The following KLF17 variants were observed in gnomAD, a reference collection of about 807,000 sequenced individuals.
KLF17 encodes KLF transcription factor 17, also known as Krueppel-like factor 17.
In KLF17, 31 loss-of-function variants were observed where a neutral mutation model predicts 34.2. The observed-to-expected ratio is 0.91, with a 90% CI of 0.68 to 1.22. The LOEUF (loss-of-function observed/expected upper bound fraction) is 1.22. Among genes scored for constraint, KLF17 ranks in the 50% most tolerant of loss-of-function variants. KLF17 has a pLI of 0.00. For synonymous variants in KLF17, 179 were observed against 186.7 expected, an observed-to-expected ratio of 0.96 and a Z score of 0.34; for missense variants, 478 against 505.2, an observed-to-expected ratio of 0.95 and a Z score of 0.52.
chr1:44,078,975 G>A, the KLF17 span, among the ~76,000 whole-genome samples: 5 of 152,060 alleles, frequency 3.3e-5, no homozygotes, highest in Admixed American at 6.6e-5. Flanking sequence ...ATGAGACACC[G>A]TGCCTGGCCC....
the KLF17 span, among the ~76,000 whole-genome samples, chr1:44,073,796 T>C: frequency 3.9e-5 from 6 of 152,172 alleles, no homozygotes; most frequent in African/African-American, 1.4e-4. Context: ...GTAGAAGTCT[T>C]TTCTGACCAC....
At chr1:44,060,812 A>G in the KLF17 span, among the ~76,000 whole-genome samples, 5 of 152,264 alleles carry the variant, frequency 3.3e-5, no homozygotes, top group East Asian at 1.9e-4. Context: ...GTAGTTCTCA[A>G]TAACAGACTA....
the KLF17 span, among the ~76,000 whole-genome samples, chr1:44,095,459 C>G: frequency 0.32 from 49,135 of 151,550 alleles, 8,055 homozygotes; most frequent in South Asian, 0.38. Flanking sequence ...AGGTGATCCA[C>G]CTGCCTTGGC....
At chr1:44,066,336 ACCCTCCCCCC>A in the KLF17 span, among the ~76,000 whole-genome samples, 2 of 135,014 alleles carry the variant, frequency 1.5e-5, no homozygotes, top group South Asian at 2.3e-4. Flanking sequence ...ACAAACAAAA[ACCCTCCCCCC>A]AAAAAAAACA....
At chr1:44,099,151 C>G in the KLF17 span, among the ~76,000 whole-genome samples, 1 of 152,050 alleles carries the variant, frequency 6.6e-6, no homozygotes, top group Admixed American at 6.6e-5. Context: ...TACCTGTAAT[C>G]CCAGCACTTT....
Position 44,129,901 on chromosome 1 carries a change from G to C in KLF17, c.630G>C (p.Gln210His). Residue 210 changes from glutamine to histidine, a missense_variant, in exon 2 of 4, where the codon CAG becomes CAC. Coordinates refer to ENST00000372299, the MANE Select transcript of KLF17 (RefSeq NM_173484.4). ...EAQAVLPSMA[Q>H]MLPPQDAHDL... ...AGGCAGTGCTCCCCTCCATGGCTCAGATGTTGCCCCCGCAAGATGCCCATG... is the reference window on the plus strand; with the variant it reads ...AGGCAGTGCTCCCCTCCATGGCTCACATGTTGCCCCCGCAAGATGCCCATG... 1 of 1,614,194 alleles carries C rather than the reference G, an allele frequency of 6.2e-7. No individual in the cohort carries two copies. The highest frequency in any genetic ancestry group is 8.5e-7 in the Non-Finnish European group (1 of 1,180,044).
At chr1:44,063,192 A>C in the KLF17 span, among the ~76,000 whole-genome samples, 16 of 152,358 alleles carry the variant, frequency 1.1e-4, no homozygotes, top group East Asian at 3.1e-3. Flanking sequence ...AACTGGTGCA[A>C]CTAACCTATA....
the KLF17 span, among the ~76,000 whole-genome samples, chr1:44,113,273 T>G: frequency 6.6e-6 from 1 of 152,142 alleles, no homozygotes; most frequent in African/African-American, 2.4e-5. Flanking sequence ...CAAACCATTG[T>G]TAACCACAGA....
the KLF17 span, among the ~76,000 whole-genome samples, chr1:44,090,306 C>CAAAAAAAAAAAAAAA: frequency 7.3e-4 from 17 of 23,418 alleles, 4 homozygotes; most frequent in South Asian, 3.1e-3. Flanking sequence ...CTTGTCTCTA[C>CAAAAAAAAAAAAAAA]AAAAAAAAAA....
At chr1:44,087,256 G>T in the KLF17 span, among the ~76,000 whole-genome samples, 8 of 151,774 alleles carry the variant, frequency 5.3e-5, no homozygotes, top group African/African-American at 1.9e-4. Context: ...CATCTTTTTT[G>T]TTTGTTTGTT....
At chr1:44,119,048 G>A in intron 1 of KLF17, 60 bp downstream of exon 1, 1 of 1,360,858 alleles carries the variant, frequency 7.3e-7, no homozygotes, top group Non-Finnish European at 1.0e-6. Context: ...GCGGCGGGGA[G>A]GGGAGGCCTT....
At chr1:44,065,060 G>A in the KLF17 span, among the ~76,000 whole-genome samples, 6 of 151,992 alleles carry the variant, frequency 3.9e-5, no homozygotes, top group African/African-American at 1.4e-4. Context: ...AGGCTGAGGC[G>A]GGCGGATCAC....
At chr1:44,119,201 G>A (rs2087917439) in intron 1 of KLF17, among the ~76,000 whole-genome samples, 1 of 151,706 alleles carries the variant, frequency 6.6e-6, no homozygotes, top group East Asian at 1.9e-4. Flanking sequence ...AGGGAGGGAT[G>A]GGAGACTGGG....
chr1:44,055,071 G>A, the KLF17 span, among the ~76,000 whole-genome samples: 2 of 152,162 alleles, frequency 1.3e-5, no homozygotes, highest in African/African-American at 4.8e-5. Flanking sequence ...AAGCCACCAT[G>A]CCTGGCCCAG....
At chr1:44,078,130 A>G in the KLF17 span, among the ~76,000 whole-genome samples, 1 of 152,222 alleles carries the variant, frequency 6.6e-6, no homozygotes, top group African/African-American at 2.4e-5. Context: ...CAGTTCCTTT[A>G]TGGTTGGTGC....
At chr1:44,099,006 G>T in the KLF17 span, among the ~76,000 whole-genome samples, 1 of 151,726 alleles carries the variant, frequency 6.6e-6, no homozygotes, top group African/African-American at 2.4e-5. Context: ...GGGATTACAG[G>T]CATGAGCCAC....
the KLF17 span, among the ~76,000 whole-genome samples, chr1:44,095,651 A>G: frequency 6.6e-6 from 1 of 152,204 alleles, no homozygotes; most frequent in South Asian, 2.1e-4. Context: ...ATCCATGAAC[A>G]TGGAATATCT....
At chr1:44,117,823 C>G (rs939241950), upstream of KLF17, among the ~76,000 whole-genome samples, 1 of 152,154 alleles carries the variant, frequency 6.6e-6, no homozygotes, top group Admixed American at 6.6e-5. Context: ...TAACTGGTGT[C>G]TCTGCACCCC....
At chr1:44,127,056 C>G (rs933156028) in intron 1 of KLF17, among the ~76,000 whole-genome samples, 1 of 142,272 alleles carries the variant, frequency 7.0e-6, no homozygotes, top group Non-Finnish European at 1.5e-5. Flanking sequence ...GCTACCATGC[C>G]TGGCTTGTTT....
Sources: gnomAD v4.1 joint callset for allele counts (sites outside exome capture counted in the v4.1 genomes callset) on GRCh38, gnomAD v4.1.1 for gene constraint, MANE v1.5 for transcripts, NCBI Gene and HGNC (gene_info 2026-07-23, HGNC 2026-07-21) for gene names.